NLGN1: variants seen among roughly 807,000 people sequenced by gnomAD.
NLGN1 encodes the protein neuroligin-1.
In NLGN1, 12 loss-of-function variants were observed where a neutral mutation model predicts 65.5. The observed-to-expected ratio is 0.18, with a 90% CI of 0.12 to 0.30. NLGN1 has a LOEUF of 0.30. Among genes scored for constraint, NLGN1 ranks in the 10% least tolerant of loss-of-function variants. The probability of loss-of-function intolerance (pLI) is 1.00; values close to 1 mark genes in which losing one functional copy is unlikely to be tolerated. For synonymous variants in NLGN1, 350 were observed against 359.5 expected (o/e 0.97, Z 0.30); for missense variants, 750 against 1,007.1 (o/e 0.74, Z 3.46).
intron 4 of NLGN1, among the ~76,000 whole-genome samples, chr3:174,248,379 G>T (rs949999036): frequency 3.3e-5 from 5 of 152,204 alleles, no homozygotes; most frequent in Admixed American, 6.5e-5. Flanking sequence ...CCATTAATAT[G>T]CATAGTCACC....
intron 4 of NLGN1, among the ~76,000 whole-genome samples, chr3:173,880,524 C>T (rs777589752): frequency 1.9e-4 from 28 of 151,206 alleles, no homozygotes; most frequent in Non-Finnish European, 2.9e-4. Context: ...TTAAAAGCTA[C>T]GTTTACCCTA....
intron 5 of NLGN1, among the ~76,000 whole-genome samples, chr3:174,275,960 G>A (rs528175979): frequency 4.0e-5 from 6 of 151,870 alleles, no homozygotes; most frequent in African/African-American, 9.6e-5. Context: ...CTAACGAAGC[G>A]GTCATAAGCT....
chr3:173,738,711 T>G (rs749273486), intron 3 of NLGN1, among the ~76,000 whole-genome samples: 3 of 152,072 alleles, frequency 2.0e-5, no homozygotes, highest in Non-Finnish European at 2.9e-5. Context: ...GAGATCGTTT[T>G]GGCAATTTTG....
At chr3:173,820,568 T>G (rs1720082161) in intron 4 of NLGN1, among the ~76,000 whole-genome samples, 1 of 152,224 alleles carries the variant, frequency 6.6e-6, no homozygotes, top group Non-Finnish European at 1.5e-5. Context: ...TCTCTATGCA[T>G]ATGTACCTAT....
rs796607718 is a variant in NLGN1, at chr3:174,098,530, A to G, written c.647-176785A>G. Among the ~76,000 whole-genome samples the G allele has an allele frequency of 3.3e-4, 51 of 152,310 alleles. 1 individual carries two copies. Among genetic ancestry groups the G allele is most frequent in the African/African-American group, 9.9e-4 (41 of 41,572 alleles). On this transcript the variant is annotated intron_variant, in intron 4 of 6. Coordinates refer to ENST00000457714, the Ensembl canonical transcript of NLGN1. ...TTCCAGTGTAGTAGATGCTAAGAAA[A>G]TAAATAGACATTGGATGTCTAGCAG...
intron 3 of NLGN1, among the ~76,000 whole-genome samples, chr3:173,709,709 AGGAGAATCACTTGAATCT>A (rs1191425854): frequency 1.3e-5 from 2 of 149,446 alleles, no homozygotes; most frequent in South Asian, 4.3e-4. Flanking sequence ...AGGCTGAGGC[AGGAGAATCACTTGAATCT>A]GGGAGGCGGA....
At chr3:173,766,248 C>T (rs1317869678) in intron 3 of NLGN1, among the ~76,000 whole-genome samples, 1 of 151,928 alleles carries the variant, frequency 6.6e-6, no homozygotes, top group Non-Finnish European at 1.5e-5. Context: ...ACCACCATGC[C>T]CAGCTAATTT....
chr3:173,520,531 A>G (rs910600541), intron 2 of NLGN1, among the ~76,000 whole-genome samples: 13 of 152,342 alleles, frequency 8.5e-5, no homozygotes, highest in East Asian at 7.7e-4. Flanking sequence ...TGTCTTCAAA[A>G]GCACACAGCT....
intron 4 of NLGN1, among the ~76,000 whole-genome samples, chr3:173,829,442 G>A (rs1722019697): frequency 6.6e-6 from 1 of 152,102 alleles, no homozygotes; most frequent in East Asian, 1.9e-4. Flanking sequence ...TATACAATGT[G>A]TACAATGTGA....
intron 4 of NLGN1, among the ~76,000 whole-genome samples, chr3:173,987,631 C>A (rs922966291): frequency 3.3e-5 from 5 of 152,176 alleles, no homozygotes; most frequent in Non-Finnish European, 5.9e-5. Context: ...TCATCATCCA[C>A]AACACCACAA....
At chr3:173,852,612 T>C (rs1727196835) in intron 4 of NLGN1, among the ~76,000 whole-genome samples, 1 of 152,150 alleles carries the variant, frequency 6.6e-6, no homozygotes, top group African/African-American at 2.4e-5. Flanking sequence ...TTGTTAGTAA[T>C]ACGTTTATAT....
At chr3:173,839,903 TC>T (rs2150666745) in intron 4 of NLGN1, among the ~76,000 whole-genome samples, 1 of 152,306 alleles carries the variant, frequency 6.6e-6, no homozygotes, top group East Asian at 1.9e-4. Context: ...ATTCTTATTT[TC>T]CCAACTTATA....
chr3:173,941,727 GA>G (rs1746138974), intron 4 of NLGN1, among the ~76,000 whole-genome samples: 3 of 151,546 alleles, frequency 2.0e-5, no homozygotes, highest in Non-Finnish European at 4.4e-5. Context: ...TATATTTGTA[GA>G]AAAACTGTGT....
chr3:174,036,167 TAAAAC>T (rs1349206401), intron 4 of NLGN1, among the ~76,000 whole-genome samples: 4 of 152,156 alleles, frequency 2.6e-5, no homozygotes, highest in Non-Finnish European at 5.9e-5. Flanking sequence ...TAAAACAAAA[TAAAAC>T]AAACTAGCAA....
chr3:173,483,771 C>CTG (rs1175067287), intron 2 of NLGN1, among the ~76,000 whole-genome samples: 4 of 152,078 alleles, frequency 2.6e-5, no homozygotes, highest in Non-Finnish European at 4.4e-5. Context: ...GATACAGAAA[C>CTG]TGTGGATAAG....
At chr3:174,117,435 T>C (rs1252654936) in intron 4 of NLGN1, among the ~76,000 whole-genome samples, 2 of 151,520 alleles carry the variant, frequency 1.3e-5, no homozygotes, top group African/African-American at 4.9e-5. Flanking sequence ...GCTAACACGG[T>C]GAAACCTCGT....
chr3:173,495,423 G>T (rs957215561), intron 2 of NLGN1, among the ~76,000 whole-genome samples: 2 of 151,314 alleles, frequency 1.3e-5, no homozygotes, highest in Admixed American at 6.6e-5. Context: ...CATATCATTA[G>T]GAAATATAGG....
intron 2 of NLGN1, among the ~76,000 whole-genome samples, chr3:173,444,722 A>G (rs967776224): frequency 2.6e-5 from 4 of 151,836 alleles, no homozygotes; most frequent in African/African-American, 7.3e-5. Context: ...TGCAGTGTCT[A>G]TCTATCTATC....
In NLGN1 at chr3:173,585,931, A is replaced by G. The variant is rs1331597432; in HGVS notation, c.-320-18348A>G. On this transcript the variant is annotated intron_variant, in intron 2 of 6. Coordinates refer to ENST00000457714, the Ensembl canonical transcript of NLGN1. ...TCAATTTCAGCAGCTATAATTAATCACTCAAATCAGTGAATATGAATTGAC... is the reference window on the plus strand; with the variant it reads ...TCAATTTCAGCAGCTATAATTAATCGCTCAAATCAGTGAATATGAATTGAC... 7.2e-5 allele frequency among the ~76,000 whole-genome samples: 11 copies of G among 152,244 alleles called. No individual in the cohort carries two copies. The East Asian group carries it at 1.9e-3, about 27-fold the overall frequency.
Sources: allele counts gnomAD v4.1 joint callset (sites outside exome capture counted in the v4.1 genomes callset), GRCh38; gene constraint gnomAD v4.1.1; transcripts MANE v1.5; gene names NCBI Gene and HGNC (gene_info 2026-07-23, HGNC 2026-07-21).